The following TMEM231 variants were observed in gnomAD, a reference collection of about 807,000 sequenced individuals.
The protein encoded by TMEM231 is transmembrane protein 231.
In TMEM231, 40 loss-of-function variants were observed where a neutral mutation model predicts 38.5. That is an observed-to-expected ratio of 1.04 (90% confidence interval 0.81 to 1.35). The LOEUF (loss-of-function observed/expected upper bound fraction) is 1.35, where lower values mean the gene tolerates loss of function less well. TMEM231 is among the 40% of genes most tolerant of loss of function. The pLI is 0.00. For missense variants in TMEM231, 420 were observed against 416.9 expected, an observed-to-expected ratio of 1.01 and a Z score of -0.07; for synonymous variants, 199 against 181.7, an observed-to-expected ratio of 1.10 and a Z score of -0.77.
rs1345634001 is a variant in TMEM231 at position 75,544,960 on chromosome 16, T to C, written c.582+392A>G. 2.3e-4 allele frequency among the ~76,000 whole-genome samples: 33 copies of C among 140,776 alleles called. 1 individual carries two copies. The highest frequency in any genetic ancestry group is 2.8e-4 in the Admixed American group (4 of 14,088). The allele number at this position is 140,776 out of a possible 152,430, so 92.4% of individuals were successfully genotyped here. A position where few individuals can be genotyped will look rare whatever the true frequency, so the allele number is the denominator to read the frequency against. On this transcript the variant is annotated intron_variant, in intron 4 of 6. Coordinates refer to ENST00000258173, the MANE Select transcript of TMEM231 (RefSeq NM_001077418.3). ...TTTCTTTTCTTTTTCTTTTTTTTTT[T>C]TTTTTTTTTTTTTGAGACAGAGTCT... is the stretch of plus-strand genomic sequence containing the variant.
chr16:75,540,174 A>T lies in TMEM231; in HGVS notation c.771T>A (p.Ser257=). ...CCATCTCCCAGAATCCTGGCTGATAAGTATGGACAGTTAAGGAGTGAAGGG... is the reference window on the plus strand; with the variant it reads ...CCATCTCCCAGAATCCTGGCTGATATGTATGGACAGTTAAGGAGTGAAGGG... ...AIIRYPVEVI[S]YQPGFWEMVK... is the part of the protein sequence containing the mutation. The change falls in exon 7 of 7, where the codon TCT becomes TCA. Residue 257 remains serine (S), a splice_region_variant and synonymous_variant. Coordinates refer to ENST00000258173, the MANE Select transcript of TMEM231 (RefSeq NM_001077418.3). 1 of 1,611,606 alleles carries T rather than the reference A, an allele frequency of 6.2e-7. No individual in the cohort carries two copies. The highest frequency in any genetic ancestry group is 1.7e-4 in the Middle Eastern group (1 of 6,056).
chr16:75,548,300 C>T (rs776614673), intron 2 of TMEM231, among the ~76,000 whole-genome samples: 10 of 152,226 alleles, frequency 6.6e-5, no homozygotes, highest in Non-Finnish European at 7.3e-5. Context: ...GTATACTTGC[C>T]TGTGCACATC....
At chr16:75,547,596 T>C (rs900247229) in intron 2 of TMEM231, among the ~76,000 whole-genome samples, 6 of 151,940 alleles carry the variant, frequency 3.9e-5, no homozygotes, top group African/African-American at 1.5e-4. Flanking sequence ...CTGGCCAACA[T>C]GGTGAAACCC....
Position 75,540,475 on chromosome 16 carries a change from C to T in TMEM231, c.771-301G>A, listed in dbSNP as rs555585692. Among the ~76,000 whole-genome samples the T allele has an allele frequency of 3.3e-5, 5 of 152,368 alleles. No individual in the cohort carries two copies. In the East Asian group the frequency reaches 7.7e-4, roughly 23 times the overall value. On this transcript the variant is annotated intron_variant, in intron 6 of 6. Coordinates refer to ENST00000258173, the MANE Select transcript of TMEM231 (RefSeq NM_001077418.3). ...CCATCCATCCATCTTCTAAAATCTT[C>T]CAGTTGTGTAAACTTGGAACACCCT...
chr16:75,541,055 C>T (rs528641330), intron 6 of TMEM231, among the ~76,000 whole-genome samples: 35 of 152,200 alleles, frequency 2.3e-4, no homozygotes, highest in African/African-American at 8.2e-4. Context: ...ACTCTGTCAC[C>T]GAGGCTGGAG....
chr16:75,554,471 A>T (rs1300667323), intron 2 of TMEM231, among the ~76,000 whole-genome samples: 1 of 150,442 alleles, frequency 6.6e-6, no homozygotes, highest in Non-Finnish European at 1.5e-5. Flanking sequence ...GCTTGAACCC[A>T]GGAGGCAGAG....
intron 2 of TMEM231, among the ~76,000 whole-genome samples, chr16:75,550,701 T>A (rs2080749192): frequency 6.6e-6 from 1 of 151,078 alleles, no homozygotes; most frequent in African/African-American, 2.4e-5. Context: ...TACATTTCAT[T>A]CATTTAAGTC....
chr16:75,540,520 C>G (rs2080611789), intron 6 of TMEM231, among the ~76,000 whole-genome samples: 1 of 152,206 alleles, frequency 6.6e-6, no homozygotes, highest in Admixed American at 6.5e-5. Context: ...CCTAATTGCA[C>G]CTGTACGGAA....
intron 2 of TMEM231, among the ~76,000 whole-genome samples, chr16:75,547,516 G>A (rs1597043561): frequency 6.6e-6 from 1 of 152,112 alleles, no homozygotes; most frequent in East Asian, 1.9e-4. Context: ...GGCAATGATG[G>A]ACTAGTCATT....
chr16:75,545,720 G>A, intron 3 of TMEM231, 106 bp downstream of exon 3: 2 of 589,846 alleles, frequency 3.4e-6, no homozygotes, highest in Admixed American at 3.9e-5. Context: ...AAACTACATG[G>A]GGAAGAGGGC....
chr16:75,540,134 C>G lies in TMEM231; in HGVS notation c.811G>C (p.Val271Leu). 8.7e-6 allele frequency: 14 copies of G among 1,613,668 alleles called. No individual in the cohort carries two copies. The highest frequency in any genetic ancestry group is 1.1e-5 in the Non-Finnish European group (13 of 1,179,774). ...ATAAGCAGGATGCTGACATACTGCA[C>G]CCAGGCGAACTTTACCATCTCCCAG... is the stretch of plus-strand genomic sequence containing the variant. ...GFWEMVKFAWVQYVSILLIFL... is the reference protein window; with the variant it reads ...GFWEMVKFAWLQYVSILLIFL... The change falls in exon 7 of 7, where the codon GTG (valine) becomes CTG (leucine). Residue 271 changes from valine (V) to leucine (L), a missense_variant. Coordinates refer to ENST00000258173, the MANE Select transcript of TMEM231 (RefSeq NM_001077418.3).
At position 75,545,352 on chromosome 16, in the gene TMEM231, G is replaced by A. The variant is rs199776253; in HGVS notation, c.582C>T (p.Asn194=). ...LSCGGLDARY[N]ISVINGTSPF... ...GCTGGACAATGAGAAGCGCTCTTAC[G>A]TTGTATCGGGCATCTAGGCCACCAC... Residue 194 remains asparagine, a splice_region_variant and synonymous_variant, in exon 4 of 7, where the codon AAC becomes AAT. Transcript: ENST00000258173. 1.5e-4 allele frequency: 238 copies of A among 1,612,436 alleles called. No homozygotes were observed. The highest frequency in any genetic ancestry group is 6.0e-4 in the East Asian group (27 of 44,840).
At chr16:75,553,956 T>A (rs1238195779) in intron 2 of TMEM231, among the ~76,000 whole-genome samples, 2 of 152,190 alleles carry the variant, frequency 1.3e-5, no homozygotes, top group Non-Finnish European at 2.9e-5. Flanking sequence ...AAAGATGATT[T>A]AGCTTCTTCT....
chr16:75,544,130 A>G (rs779481636), intron 4 of TMEM231, among the ~76,000 whole-genome samples: 1 of 152,238 alleles, frequency 6.6e-6, no homozygotes, highest in Non-Finnish European at 1.5e-5. Context: ...TTAAACAAGT[A>G]TCTCTGTGAG....
intron 2 of TMEM231, chr16:75,554,831 G>T (rs1189462850): frequency 1.3e-5 from 2 of 152,078 alleles, no homozygotes; most frequent in East Asian, 1.9e-4. Flanking sequence ...AGTAATTCCG[G>T]TTTTTTGTCA....
chr16:75,542,033 C>G (rs1472495336), intron 5 of TMEM231: 1 of 156,128 alleles, frequency 6.4e-6, no homozygotes, highest in African/African-American at 2.4e-5. Flanking sequence ...TCCATGATGT[C>G]TGCTTGCCAA....
At position 75,537,611 on chromosome 16, in the gene TMEM231, T is replaced by G. The variant is rs976769866; in HGVS notation, c.*2383A>C. 18 of 151,828 alleles carry G rather than the reference T, an allele frequency of 1.2e-4. No individual in the cohort carries two copies. Among genetic ancestry groups the G allele is most frequent in the African/African-American group, 4.4e-4 (18 of 41,340 alleles). 9.4% of individuals were successfully genotyped at this position (151,828 alleles called of 1,614,324 possible). ...AAGCGATTCTCCTGCCTCAGCCTACTAAATAGTTGGGATGACAGGCACGTG... is the reference window on the plus strand; with the variant it reads ...AAGCGATTCTCCTGCCTCAGCCTACGAAATAGTTGGGATGACAGGCACGTG... On this transcript the variant is annotated 3_prime_UTR_variant, in exon 7 of 7. Coordinates refer to ENST00000258173, the MANE Select transcript of TMEM231 (RefSeq NM_001077418.3).
In TMEM231 at chr16:75,538,489, T is replaced by C. The variant is rs922425784; in HGVS notation, c.*1505A>G. On this transcript the variant is annotated 3_prime_UTR_variant, in exon 7 of 7. Coordinates refer to ENST00000258173, the MANE Select transcript of TMEM231 (RefSeq NM_001077418.3). ...TTTCGTTTAGATCTTAAGAAAAAAA[T>C]TTAGGCATATAAAACAGCCTGAATA... The C allele has an allele frequency of 2.0e-5, 3 of 152,128 alleles. No homozygotes were observed. The East Asian group carries it at 5.8e-4, about 29-fold the overall frequency. The allele number at this position is 152,128 out of a possible 1,614,324, so 9.4% of individuals were successfully genotyped here.
Position 75,551,309 on chromosome 16 carries a change from C to T in TMEM231, c.309+4495G>A, listed in dbSNP as rs187399590. ...ACCTCTCAGGCTCAAGTGATCCTCC[C>T]ACCTCAGCCTCCTGAGTAGCTGGGA... On this transcript the variant is annotated intron_variant, in intron 2 of 6. Transcript: ENST00000258173. Among the ~76,000 whole-genome samples, 1,471 of 152,278 alleles carry T rather than the reference C, an allele frequency of 9.7e-3. 20 individuals are homozygous for T. The highest frequency in any genetic ancestry group is 0.015 in the Non-Finnish European group (1,022 of 68,026).
Sources: allele counts gnomAD v4.1 joint callset (sites outside exome capture counted in the v4.1 genomes callset), GRCh38; gene constraint gnomAD v4.1.1; transcripts MANE v1.5; gene names NCBI Gene and HGNC (gene_info 2026-07-23, HGNC 2026-07-21).